SYT1: variants seen among roughly 807,000 people sequenced by gnomAD.
SYT1 encodes synaptotagmin 1.
A neutral mutation model predicts 44.8 loss-of-function variants in SYT1; 8 were observed. The ratio of observed to expected loss-of-function variants is 0.18; its 90% confidence interval spans 0.10 to 0.32. The LOEUF is 0.32. Among genes scored for constraint, SYT1 ranks in the 10% least tolerant of loss-of-function variants. SYT1 has a pLI of 1.00. For missense variants in SYT1, 286 were observed against 509.3 expected (o/e 0.56, Z 4.22); for synonymous variants, 154 against 188.8 (o/e 0.82, Z 1.51).
chr12:79,162,900 C>T (rs1323503446), intron 3 of SYT1, among the ~76,000 whole-genome samples: 3 of 152,054 alleles, frequency 2.0e-5, no homozygotes, highest in African/African-American at 7.2e-5. Context: ...CTGTCTCTTT[C>T]CACAGCTTCA....
At chr12:79,101,784 G>T (rs1355768532) in intron 3 of SYT1, among the ~76,000 whole-genome samples, 2 of 152,108 alleles carry the variant, frequency 1.3e-5, no homozygotes, top group African/African-American at 4.8e-5. Context: ...ATGCATGCCT[G>T]TAGTCCCAGC....
At chr12:79,035,862 T>C (rs577127194) in intron 2 of SYT1, among the ~76,000 whole-genome samples, 3 of 151,604 alleles carry the variant, frequency 2.0e-5, no homozygotes, top group East Asian at 3.9e-4. Flanking sequence ...TGTACATCTT[T>C]GAACCTCATG....
At chr12:79,145,427 A>G (rs1191324305) in intron 3 of SYT1, among the ~76,000 whole-genome samples, 11 of 152,112 alleles carry the variant, frequency 7.2e-5, no homozygotes, top group Non-Finnish European at 1.5e-5. Flanking sequence ...ATTTATTTTT[A>G]TCTGATTCTT....
intron 3 of SYT1, among the ~76,000 whole-genome samples, chr12:79,111,591 A>G (rs971099932): frequency 2.0e-5 from 3 of 152,104 alleles, no homozygotes; most frequent in African/African-American, 4.8e-5. Flanking sequence ...CAAATATGAT[A>G]TATTTCAAAG....
chr12:78,959,263 G>C (rs2176019), intron 1 of SYT1, among the ~76,000 whole-genome samples: 22,230 of 152,002 alleles, frequency 0.15, 1,955 homozygotes, highest in East Asian at 0.31. Context: ...AGGGAAACTC[G>C]GGAGATGTTC....
chr12:79,340,334 C>T (rs889974506), intron 8 of SYT1, among the ~76,000 whole-genome samples: 1 of 152,108 alleles, frequency 6.6e-6, no homozygotes, highest in African/African-American at 2.4e-5. Flanking sequence ...CTTGTGTCCT[C>T]TTTTATTTCC....
At position 78,973,137 on chromosome 12, in the gene SYT1, A is replaced by G. The variant is rs1187141822; in HGVS notation, c.-216-4662A>G. ...TTCTTTTAAATTTATTTTTTAATTC[A>G]CAGGAAAAATGATATGTATTTACAT... On this transcript the variant is annotated intron_variant, in intron 1 of 10. Transcript: ENST00000261205. Among the ~76,000 whole-genome samples the G allele has an allele frequency of 4.6e-5, 7 of 152,180 alleles. No individual in the cohort carries two copies. The South Asian group carries it at 1.4e-3, about 31-fold the overall frequency.
At chr12:78,926,029 TA>T (rs1877284723) in intron 1 of SYT1, among the ~76,000 whole-genome samples, 1 of 152,078 alleles carries the variant, frequency 6.6e-6, no homozygotes, top group South Asian at 2.1e-4. Context: ...AGGAGTAATA[TA>T]GAAAACATAT....
intron 2 of SYT1, among the ~76,000 whole-genome samples, chr12:79,006,038 C>G (rs1434235605): frequency 6.6e-6 from 1 of 152,114 alleles, no homozygotes; most frequent in Non-Finnish European, 1.5e-5. Context: ...AGACCACAGG[C>G]CTCATCTCCT....
chr12:79,199,634 A>T (rs1297623228), intron 3 of SYT1, among the ~76,000 whole-genome samples: 1 of 152,206 alleles, frequency 6.6e-6, no homozygotes, highest in East Asian at 1.9e-4. Context: ...ACACCAGAGA[A>T]AAATGAAAAA....
chr12:78,988,339 A>C (rs572588748), intron 2 of SYT1, among the ~76,000 whole-genome samples: 2 of 149,746 alleles, frequency 1.3e-5, no homozygotes, highest in African/African-American at 4.9e-5. Context: ...ATAAATCAAG[A>C]TACATAGATA....
In SYT1 at chr12:78,891,344, C is replaced by A. The variant is rs568880132; in HGVS notation, c.-217+26235C>A. Among the ~76,000 whole-genome samples the A allele has an allele frequency of 9.2e-5, 14 of 151,966 alleles. 1 individual carries two copies. In the South Asian group the frequency reaches 2.9e-3, roughly 32 times the overall value. Reference sequence around the variant, plus strand: ...AAACAGTACATTTAGAGAAAGTCATCGATTTGGTTAGGAATAGGAAACTAG... The same window carrying A: ...AAACAGTACATTTAGAGAAAGTCATAGATTTGGTTAGGAATAGGAAACTAG... On this transcript the variant is annotated intron_variant, in intron 1 of 10. Transcript: ENST00000261205.
Position 79,299,442 on chromosome 12 carries a change from G to A in SYT1, c.701G>A (p.Arg234His). ...GTGATGGCTGTATATGATTTTGATCGTTTCTCTAAGCATGACATCATTGGA... is the reference window on the plus strand; with the variant it reads ...GTGATGGCTGTATATGATTTTGATCATTTCTCTAAGCATGACATCATTGGA... ...TLVMAVYDFD[R>H]FSKHDIIGEF... Residue 234 changes from arginine (R) to histidine (H), a missense_variant, in exon 8 of 11, where the codon CGT becomes CAT. By Grantham distance (29) the Arg-to-His change is conservative. Around this residue, in one of 6 missense-constraint regions of SYT1, gnomAD observed 81 missense variants for 164.9 expected, o/e 0.49. Transcript: ENST00000261205. 6.2e-7 allele frequency: 1 copy of A among 1,613,424 alleles called. No homozygotes were observed. Among genetic ancestry groups the A allele is most frequent in the East Asian group, 2.2e-5 (1 of 44,874 alleles).
chr12:79,171,513 G>A (rs1372032340), intron 3 of SYT1, among the ~76,000 whole-genome samples: 1 of 151,912 alleles, frequency 6.6e-6, no homozygotes. Flanking sequence ...TATAGAAGAG[G>A]AAGAATCATT....
chr12:79,290,851 C>T (rs1223355717), intron 5 of SYT1, among the ~76,000 whole-genome samples: 1 of 152,258 alleles, frequency 6.6e-6, no homozygotes, highest in African/African-American at 2.4e-5. Context: ...AGGATATGTA[C>T]AGGCAGTCCC....
At chr12:78,982,265 A>T (rs962043397) in intron 2 of SYT1, among the ~76,000 whole-genome samples, 3 of 152,140 alleles carry the variant, frequency 2.0e-5, no homozygotes, top group Non-Finnish European at 4.4e-5. Flanking sequence ...CATCCTGGAA[A>T]AATGGCCCAT....
chr12:79,145,450 A>G (rs1242291065), intron 3 of SYT1, among the ~76,000 whole-genome samples: 13 of 152,134 alleles, frequency 8.5e-5, no homozygotes, highest in Admixed American at 8.5e-4. Context: ...TATGACTTTA[A>G]TAATTTTTTA....
chr12:79,323,935 T>C (rs1032915587), intron 8 of SYT1, among the ~76,000 whole-genome samples: 4 of 149,492 alleles, frequency 2.7e-5, no homozygotes, highest in Admixed American at 2.0e-4. Flanking sequence ...TATGGTATTT[T>C]TGTTTCTATT....
At chr12:78,987,934 C>A (rs1565750865) in intron 2 of SYT1, among the ~76,000 whole-genome samples, 2 of 152,098 alleles carry the variant, frequency 1.3e-5, no homozygotes, top group Admixed American at 6.6e-5. Context: ...AACTCCTCAA[C>A]AAAAGCCAGC....
Sources: allele counts gnomAD v4.1 joint callset (sites outside exome capture counted in the v4.1 genomes callset), GRCh38; gene constraint gnomAD v4.1.1; regional missense constraint gnomAD v4.1.1; transcripts MANE v1.5; gene names NCBI Gene and HGNC (gene_info 2026-07-23, HGNC 2026-07-21).